The following THOC2 variants were observed in gnomAD, a reference collection of about 807,000 sequenced individuals.
THOC2 encodes the protein THO complex 2.
A neutral mutation model predicts 128.4 loss-of-function variants in THOC2; 10 were observed. The observed-to-expected ratio is 0.08, with a 90% CI of 0.05 to 0.13. The LOEUF is 0.13. THOC2 is among the 10% of genes least tolerant of loss of function. THOC2 has a pLI of 1.00. For missense variants in THOC2, 535 were observed against 1,155.7 expected, an observed-to-expected ratio of 0.46 and a Z score of 7.79; for synonymous variants, 393 against 396.9, an observed-to-expected ratio of 0.99 and a Z score of 0.12.
Position 123,625,898 on chromosome X carries a change from C to A in THOC2, c.3057+14G>T, listed in dbSNP as rs771153163. 1.7e-6 allele frequency: 2 copies of A among 1,201,112 alleles called. No homozygotes were observed. Among genetic ancestry groups the A allele is most frequent in the Non-Finnish European group, 2.2e-6 (2 of 890,007 alleles). On this transcript the variant is annotated intron_variant, in intron 25 of 38. Transcript: ENST00000245838. ...TTGTGTGAGAACTTTTTAAAGGTTG[C>A]AATAAAAACTTACTCGATCATAGCA...
Position 123,621,577 on chromosome X carries a change from C to T in THOC2, c.3796G>A (p.Val1266Ile). The T allele has an allele frequency of 8.9e-7, 1 of 1,119,400 alleles. No homozygotes were observed. Among genetic ancestry groups the T allele is most frequent in the Non-Finnish European group, 1.2e-6 (1 of 839,335 alleles). 92.3% of individuals were successfully genotyped at this position (1,119,400 alleles called of 1,213,427 possible). Reference protein sequence around the residue: ...GNSGSNSNKAVKENDKEKGKE... With the variant: ...GNSGSNSNKAIKENDKEKGKE... ...CCTTTTTCTTTGTCATTTTCTTTAA[C>T]AGCTTTGTTGCTTAAGAATAAAAAC... The change falls in exon 31 of 39, where the codon GTT becomes ATT. Residue 1266 changes from valine to isoleucine, a missense_variant. Around this residue, in one of 9 missense-constraint regions of THOC2, gnomAD observed 116 missense variants for 180.0 expected, o/e 0.64. Coordinates refer to ENST00000245838, the MANE Select transcript of THOC2 (RefSeq NM_001081550.2).
At chrX:123,673,268 G>A (rs1569407885) in intron 8 of THOC2, among the ~76,000 whole-genome samples, 1 of 112,061 alleles carries the variant, frequency 8.9e-6, no homozygotes, top group Non-Finnish European at 1.9e-5. Context: ...CAGCCCGGGA[G>A]GCGGAGGTTG....
intron 6 of THOC2, among the ~76,000 whole-genome samples, chrX:123,696,406 AAC>A (rs1180269404): frequency 1.8e-5 from 2 of 111,682 alleles, no homozygotes; most frequent in African/African-American, 6.5e-5. Context: ...AGGGAACAAT[AAC>A]ATATCACCAT....
chrX:123,684,763 A>G (rs2049937730), intron 8 of THOC2, among the ~76,000 whole-genome samples: 1 of 112,194 alleles, frequency 8.9e-6, no homozygotes, highest in African/African-American at 3.2e-5. Flanking sequence ...TGGTATTGAA[A>G]AGCTATATGC....
chrX:123,680,558 C>T (rs1430214015), intron 8 of THOC2, among the ~76,000 whole-genome samples: 1 of 110,366 alleles, frequency 9.1e-6, no homozygotes, highest in Non-Finnish European at 1.9e-5. Context: ...GTCTCTGTGT[C>T]TCTTCCTTTT....
At chrX:123,730,005 T>G (rs2052158067) in intron 1 of THOC2, among the ~76,000 whole-genome samples, 1 of 111,908 alleles carries the variant, frequency 8.9e-6, no homozygotes, top group Admixed American at 9.5e-5. Flanking sequence ...GCTTATTATG[T>G]TACACAATTT....
chrX:123,697,973 A>C (rs2050512928), intron 4 of THOC2, among the ~76,000 whole-genome samples: 1 of 111,661 alleles, frequency 9.0e-6, no homozygotes, highest in South Asian at 3.7e-4. Flanking sequence ...AAAACAGTAC[A>C]TCAACTACAC....
At chrX:123,705,004 A>G (rs968051298) in intron 3 of THOC2, among the ~76,000 whole-genome samples, 1 of 112,372 alleles carries the variant, frequency 8.9e-6, no homozygotes, top group Non-Finnish European at 1.9e-5. Context: ...TAGTTCACTT[A>G]CTGCAGTTAA....
chrX:123,611,270 G>A (rs2046690282), intron 37 of THOC2, 170 bp downstream of exon 37: 1 of 129,988 alleles, frequency 7.7e-6, no homozygotes, highest in African/African-American at 3.2e-5. Context: ...AGAACATCAA[G>A]TATCCCACTT....
Position 123,696,825 on chromosome X carries a change from T to G in THOC2, c.363A>C (p.Thr121=). 8.4e-7 allele frequency: 1 copy of G among 1,193,831 alleles called. No individual in the cohort carries two copies. The highest frequency in any genetic ancestry group is 1.9e-5 in the South Asian group (1 of 53,574). Residue 121 remains threonine, a synonymous_variant, in exon 6 of 39, where the codon ACA becomes ACC. Coordinates refer to ENST00000245838, the MANE Select transcript of THOC2 (RefSeq NM_001081550.2). Reference sequence around the variant, plus strand: ...CTGGATCCAGGCGTTCCTTTAGAACTGTGTCTGAAACTAAATACTGTATTA... The same window carrying G: ...CTGGATCCAGGCGTTCCTTTAGAACGGTGTCTGAAACTAAATACTGTATTA... ...VLACLYLVSD[T]VLKERLDPET... is the part of the protein sequence containing the mutation.
intron 15 of THOC2, among the ~76,000 whole-genome samples, chrX:123,641,927 T>C (rs1483540952): frequency 1.8e-5 from 2 of 112,119 alleles, no homozygotes; most frequent in Non-Finnish European, 3.8e-5. Context: ...AACAAAATCA[T>C]ATTGTTTAAG....
Position 123,644,799 on chromosome X carries a change from T to A in THOC2, c.1539A>T (p.Lys513Asn). 8.3e-7 allele frequency: 1 copy of A among 1,202,985 alleles called. No homozygotes were observed. The highest frequency in any genetic ancestry group is 1.1e-6 in the Non-Finnish European group (1 of 889,722). Residue 513 changes from lysine to asparagine, a missense_variant, in exon 14 of 39, where the codon AAA becomes AAT. Physicochemically the swap from Lys to Asn is moderately conservative, Grantham distance 94. This residue lies in a region of THOC2 where 197 missense variants were observed against 313.4 expected (regional missense o/e 0.63). Coordinates refer to ENST00000245838, the MANE Select transcript of THOC2 (RefSeq NM_001081550.2). ...CMSEELWGMFKTFPYQHRYRL... is the reference protein window; with the variant it reads ...CMSEELWGMFNTFPYQHRYRL... Reference sequence around the variant, plus strand: ...TTTACCTATGCTGATATGGAAATGTTTTAAACATTCCCCATAGTTCCTCAG... The same window carrying A: ...TTTACCTATGCTGATATGGAAATGTATTAAACATTCCCCATAGTTCCTCAG...
Position 123,613,390 on chromosome X carries a change from C to T in THOC2, c.4677+9G>A. 8.4e-7 allele frequency: 1 copy of T among 1,193,545 alleles called. No individual in the cohort carries two copies. The highest frequency in any genetic ancestry group is 1.1e-6 in the Non-Finnish European group (1 of 884,498). The stretch of plus-strand genomic sequence containing the variant: ...TAAAGCATATTATTCCTTTATTTTC[C>T]TAATTTACCTTTTTGCCACCGGAGG... On this transcript the variant is annotated intron_variant, in intron 36 of 38. Coordinates refer to ENST00000245838, the MANE Select transcript of THOC2 (RefSeq NM_001081550.2).
At chrX:123,618,517 G>A (rs1349245618) in intron 33 of THOC2, among the ~76,000 whole-genome samples, 1 of 111,395 alleles carries the variant, frequency 9.0e-6, no homozygotes, top group African/African-American at 3.2e-5. Context: ...ATTTCATTTG[G>A]TCCACCAGTA....
chrX:123,688,772 T>G (rs2050109372), intron 7 of THOC2, among the ~76,000 whole-genome samples: 1 of 111,657 alleles, frequency 9.0e-6, no homozygotes, highest in African/African-American at 3.3e-5. Context: ...TTGCACATCT[T>G]AAATATGTGC....
chrX:123,727,704 G>A (rs1258412820), intron 1 of THOC2, among the ~76,000 whole-genome samples: 2 of 112,151 alleles, frequency 1.8e-5, no homozygotes, highest in Non-Finnish European at 3.8e-5. Context: ...AGTTGCCCAA[G>A]TAGCTGGGAT....
chrX:123,654,758 CAAAAAAAAAAAAAAA>C (rs149260708), intron 12 of THOC2, among the ~76,000 whole-genome samples: 8 of 24,360 alleles, frequency 3.3e-4, no homozygotes, highest in African/African-American at 4.2e-4. Flanking sequence ...GACTCCGTCT[CAAAAAAAAAAAAAAA>C]AAAAAAAAAA....
chrX:123,627,633 T>C, intron 23 of THOC2, 60 bp downstream of exon 23: 1 of 1,090,017 alleles, frequency 9.2e-7, no homozygotes, highest in Non-Finnish European at 1.2e-6. Flanking sequence ...AATTTCAAAA[T>C]ATAGGTAACA....
intron 1 of THOC2, among the ~76,000 whole-genome samples, chrX:123,726,172 G>A (rs1326907019): frequency 1.8e-5 from 2 of 110,374 alleles, no homozygotes; most frequent in East Asian, 5.7e-4. Context: ...TCGCACCACT[G>A]CACTCCAGCC....
Sources: gnomAD v4.1 joint callset for allele counts (sites outside exome capture counted in the v4.1 genomes callset) on GRCh38, gnomAD v4.1.1 for gene constraint, gnomAD v4.1.1 regional missense constraint, MANE v1.5 for transcripts, NCBI Gene and HGNC (gene_info 2026-07-23, HGNC 2026-07-21) for gene names.